Variants in GLB1 observed in about 807,000 individuals in gnomAD.
GLB1 encodes the protein galactosidase beta 1.
A neutral mutation model predicts 74.0 loss-of-function variants in GLB1; 56 were observed. The observed-to-expected ratio is 0.76, with a 90% confidence interval of 0.61 to 0.94. The LOEUF is 0.94. Among genes scored for constraint, GLB1 ranks in the 40% least tolerant of loss-of-function variants. The probability of loss-of-function intolerance (pLI) is 0.00; values close to 1 mark genes in which losing one functional copy is unlikely to be tolerated. For missense variants in GLB1, 787 were observed against 845.5 expected, an observed-to-expected ratio of 0.93 and a Z score of 0.86; for synonymous variants, 323 against 323.6, an observed-to-expected ratio of 1.00 and a Z score of 0.02.
rs539758013 is a variant in GLB1 at position 32,998,215 on chromosome 3, T to C, written c.1735-871A>G. On this transcript the variant is annotated intron_variant, in intron 15 of 15. Coordinates refer to ENST00000307363, the MANE Select transcript of GLB1 (RefSeq NM_000404.4). ...ACAGCCTCTCTGTATGTGCTAAAAT[T>C]TGCTCAAAGGGGCTGAGTGCAGTGG... 4.4e-4 allele frequency among the ~76,000 whole-genome samples: 67 copies of C among 152,320 alleles called. 1 individual carries two copies. Among genetic ancestry groups the C allele is most frequent in the African/African-American group, 1.5e-3 (64 of 41,588 alleles).
At chr3:32,982,510 A>T in the GLB1 span, among the ~76,000 whole-genome samples, 24 of 152,272 alleles carry the variant, frequency 1.6e-4, no homozygotes, top group Non-Finnish European at 2.2e-4. Flanking sequence ...ACAACAACAA[A>T]AAAAACCACA....
chr3:33,028,310 A>G (rs1697858501), intron 10 of GLB1, among the ~76,000 whole-genome samples: 1 of 152,222 alleles, frequency 6.6e-6, no homozygotes, highest in Admixed American at 6.5e-5. Flanking sequence ...ATGAGAGTAC[A>G]GCCCAGAAGA....
chr3:33,039,942 G>A (rs747088307), intron 10 of GLB1, among the ~76,000 whole-genome samples: 2 of 152,130 alleles, frequency 1.3e-5, no homozygotes, highest in East Asian at 1.9e-4. Flanking sequence ...AAATGATGGA[G>A]GTCATACATA....
rs368194499 is a variant in GLB1, at chr3:33,049,669, GC to G, written c.955+2088del. On this transcript the variant is annotated intron_variant, in intron 9 of 15. Coordinates refer to ENST00000307363, the MANE Select transcript of GLB1 (RefSeq NM_000404.4). ...CTGACCTCGTGATCCACGCACCTCA[GC>G]CTCCCAAAGTGCCGGGATTACAGGC... Among the ~76,000 whole-genome samples, 397 of 152,218 alleles carry G rather than the reference GC, an allele frequency of 2.6e-3. 5 individuals are homozygous for G. The highest frequency in any genetic ancestry group is 8.2e-3 in the African/African-American group (342 of 41,532).
chr3:33,055,021 G>A (rs1013815259), intron 6 of GLB1, among the ~76,000 whole-genome samples: 2 of 152,220 alleles, frequency 1.3e-5, no homozygotes, highest in African/African-American at 4.8e-5. Flanking sequence ...CAGCTTTCAG[G>A]ACAGAATATG....
downstream of GLB1, among the ~76,000 whole-genome samples, chr3:32,993,522 ATTTTTTTTTTTTT>A (rs746774682): frequency 3.2e-5 from 2 of 62,256 alleles, no homozygotes; most frequent in Non-Finnish European, 5.7e-5. Flanking sequence ...CATCCAGCTA[ATTTTTTTTTTTTT>A]TTTTTTTTTT....
chr3:33,024,632 G>A (rs372375233), intron 10 of GLB1, among the ~76,000 whole-genome samples: 1 of 151,996 alleles, frequency 6.6e-6, no homozygotes, highest in Non-Finnish European at 1.5e-5. Context: ...GGGAGTGGGA[G>A]GAAAAAAGGA....
Position 33,053,521 on chromosome 3 carries a change from G to A in GLB1, c.762C>T (p.Ser254=). ...TGSNITDAFL[S]QRKCEPKGPL... Reference sequence around the variant, plus strand: ...GTCCTTTGGGCTCACACTTCCTCTGGCTTAGGAAAGCATCTGTGATGTTGC... The same window carrying A: ...GTCCTTTGGGCTCACACTTCCTCTGACTTAGGAAAGCATCTGTGATGTTGC... The change falls in exon 7 of 16, where the codon AGC becomes AGT. Residue 254 remains serine, a synonymous_variant. Coordinates refer to ENST00000307363, the MANE Select transcript of GLB1 (RefSeq NM_000404.4). The A allele has an allele frequency of 6.2e-7, 1 of 1,614,156 alleles. No individual in the cohort carries two copies. The highest frequency in any genetic ancestry group is 8.5e-7 in the Non-Finnish European group (1 of 1,180,022).
At chr3:32,980,952 A>T in the GLB1 span, among the ~76,000 whole-genome samples, 2 of 151,806 alleles carry the variant, frequency 1.3e-5, no homozygotes, top group Admixed American at 6.6e-5. Flanking sequence ...TTAGCTGGGC[A>T]TGCTGGTACA....
At chr3:33,012,590 T>C (rs1449501732) in intron 15 of GLB1, among the ~76,000 whole-genome samples, 31 of 152,212 alleles carry the variant, frequency 2.0e-4, no homozygotes, top group Admixed American at 1.9e-3. Flanking sequence ...CTGTTGTTTA[T>C]AAGCCACCCA....
intron 2 of GLB1, among the ~76,000 whole-genome samples, chr3:33,071,901 A>G (rs980484646): frequency 6.6e-6 from 1 of 152,190 alleles, no homozygotes; most frequent in African/African-American, 2.4e-5. Context: ...CAGAAAGGCC[A>G]AGAAGAATCT....
chr3:33,042,656 C>G (rs1196871398), intron 10 of GLB1, among the ~76,000 whole-genome samples: 1 of 152,158 alleles, frequency 6.6e-6, no homozygotes, highest in East Asian at 1.9e-4. Context: ...CGTGAGCCAC[C>G]GCGCACAGCC....
chr3:33,079,002 A>G (rs1482731803), intron 1 of GLB1, among the ~76,000 whole-genome samples: 1 of 152,144 alleles, frequency 6.6e-6, no homozygotes, highest in Non-Finnish European at 1.5e-5. Context: ...ACTACTCAGC[A>G]ATAAAAAAGA....
chr3:33,059,463 C>T (rs545974609), intron 5 of GLB1, among the ~76,000 whole-genome samples: 3 of 152,324 alleles, frequency 2.0e-5, no homozygotes, highest in South Asian at 2.1e-4. Flanking sequence ...CTACCCAATA[C>T]ACCAAAGAAT....
chr3:33,058,961 CACAGGG>C (rs1244223097), intron 5 of GLB1, among the ~76,000 whole-genome samples: 1 of 152,104 alleles, frequency 6.6e-6, no homozygotes. Context: ...TCTTTAGCCC[CACAGGG>C]GACATGTGGC....
intron 2 of GLB1, among the ~76,000 whole-genome samples, chr3:33,071,039 G>A (rs1699869972): frequency 6.6e-6 from 1 of 152,120 alleles, no homozygotes; most frequent in African/African-American, 2.4e-5. Flanking sequence ...TGTGGCAGGA[G>A]GTAAAATGAC....
intron 1 of GLB1, among the ~76,000 whole-genome samples, chr3:33,074,149 C>A (rs1017898205): frequency 6.8e-6 from 1 of 146,996 alleles, no homozygotes; most frequent in East Asian, 2.0e-4. Flanking sequence ...AGCATCCTGG[C>A]CAACATGGTG....
intron 15 of GLB1, among the ~76,000 whole-genome samples, chr3:32,998,016 T>A (rs1481082180): frequency 2.0e-5 from 3 of 152,220 alleles, no homozygotes; most frequent in African/African-American, 7.2e-5. Context: ...TTCTAAGGAC[T>A]CTTACAGGCA....
At chr3:32,965,185 C>T in the GLB1 span, among the ~76,000 whole-genome samples, 3 of 152,088 alleles carry the variant, frequency 2.0e-5, no homozygotes, top group Admixed American at 6.5e-5. Context: ...AATGTGGAAG[C>T]GACTTTGGAA....
Sources: allele counts gnomAD v4.1 joint callset (sites outside exome capture counted in the v4.1 genomes callset), GRCh38; gene constraint gnomAD v4.1.1; transcripts MANE v1.5; gene names NCBI Gene and HGNC (gene_info 2026-07-23, HGNC 2026-07-21).